The following RHOQ variants were observed in gnomAD, a reference collection of about 807,000 sequenced individuals.
RHOQ encodes the protein rho-related GTP-binding protein RhoQ.
Under a neutral mutation model 25.8 loss-of-function variants are expected in RHOQ, and 7 were observed. The ratio of observed to expected loss-of-function variants is 0.27; its 90% confidence interval spans 0.15 to 0.51. RHOQ has a LOEUF of 0.51. RHOQ is among the 20% of genes least tolerant of loss of function. The pLI, the probability that RHOQ is intolerant of heterozygous loss-of-function variation, is 0.97. For missense variants in RHOQ, 165 were observed against 260.6 expected, an observed-to-expected ratio of 0.63 and a Z score of 2.53; for synonymous variants, 97 against 98.6, an observed-to-expected ratio of 0.98 and a Z score of 0.10.
At chr2:46,554,121 GT>G (rs35825900) in intron 2 of RHOQ, among the ~76,000 whole-genome samples, 62,435 of 145,780 alleles carry the variant, frequency 0.43, 13,483 homozygotes, top group African/African-American at 0.51. Flanking sequence ...GTGTGTGTGT[GT>G]TTTTTTTTTT....
At chr2:46,567,532 T>C (rs141004398) in intron 2 of RHOQ, among the ~76,000 whole-genome samples, 147 of 152,142 alleles carry the variant, frequency 9.7e-4, no homozygotes, top group African/African-American at 3.3e-3. Context: ...TAGCTGGGAC[T>C]ATAGGCACAC....
chr2:46,562,966 A>T lies in RHOQ; in HGVS notation c.202-13121A>T, dbSNP rs965991549. On this transcript the variant is annotated intron_variant, in intron 2 of 4. Transcript: ENST00000238738. ...GGAACACTATTCGGTGGACATGGTT[A>T]TAAATTAGCAGCCAGCACATGTGTT... Among the ~76,000 whole-genome samples, 4 of 152,350 alleles carry T rather than the reference A, an allele frequency of 2.6e-5. No individual in the cohort carries two copies. In the East Asian group the frequency reaches 7.7e-4, roughly 29 times the overall value.
intron 1 of RHOQ, chr2:46,543,544 G>A (rs1667917892): frequency 3.3e-6 from 2 of 609,292 alleles, no homozygotes; most frequent in South Asian, 1.9e-5. Context: ...CTTGGGAGAA[G>A]GGGGTGGACG....
chr2:46,547,547 C>G (rs1311044058), intron 2 of RHOQ, among the ~76,000 whole-genome samples: 4 of 152,252 alleles, frequency 2.6e-5, no homozygotes, highest in Admixed American at 2.6e-4. Flanking sequence ...GGGAACACTT[C>G]CCCTCTGTTG....
At position 46,577,738 on chromosome 2, in the gene RHOQ, G is replaced by A. The variant is rs1293880219; in HGVS notation, c.462+1082G>A. The stretch of plus-strand genomic sequence containing the variant: ...CCCATATATAGTCTTTTAAAATGTA[G>A]TATCAGGAGGCAAAAGAAAGCAAGA... On this transcript the variant is annotated intron_variant, in intron 4 of 4. Coordinates refer to ENST00000238738, the MANE Select transcript of RHOQ (RefSeq NM_012249.4). Among the ~76,000 whole-genome samples the A allele has an allele frequency of 2.6e-5, 4 of 151,636 alleles. No homozygotes were observed. The East Asian group carries it at 7.7e-4, about 29-fold the overall frequency.
At chr2:46,574,543 A>G (rs1462450677) in intron 2 of RHOQ, among the ~76,000 whole-genome samples, 1 of 152,150 alleles carries the variant, frequency 6.6e-6, no homozygotes, top group Non-Finnish European at 1.5e-5. Flanking sequence ...ATTTCTTAAC[A>G]CCAGGGCACT....
At chr2:46,563,370 G>T (rs1367740694) in intron 2 of RHOQ, among the ~76,000 whole-genome samples, 2 of 152,196 alleles carry the variant, frequency 1.3e-5, no homozygotes, top group Non-Finnish European at 2.9e-5. Flanking sequence ...TGGGTAGCCT[G>T]GGTTGCTGTG....
intron 4 of RHOQ, chr2:46,580,452 G>A (rs1293767525): frequency 6.6e-6 from 1 of 152,474 alleles, no homozygotes; most frequent in African/African-American, 2.4e-5. Context: ...TCTTCCCCTA[G>A]GTATCCCTCA....
chr2:46,545,907 T>C (rs1355753459), intron 2 of RHOQ, among the ~76,000 whole-genome samples: 1 of 152,104 alleles, frequency 6.6e-6, no homozygotes. Flanking sequence ...CTCTTTTTAG[T>C]GGAGGATCAT....
Position 46,576,694 on chromosome 2 carries a change from A to C in RHOQ, c.462+38A>C. ...TCACAGAATTTAAGCATGAATGTAA[A>C]AGATGCTAAGATAACAATAGAAGCT... is the stretch of plus-strand genomic sequence containing the variant. On this transcript the variant is annotated intron_variant, in intron 4 of 4. Coordinates refer to ENST00000238738, the MANE Select transcript of RHOQ (RefSeq NM_012249.4). The surrounding 1 kb of genome is among the most constrained non-coding windows in gnomAD (Gnocchi z 5.1). The C allele has an allele frequency of 7.5e-7, 1 of 1,328,208 alleles. No individual in the cohort carries two copies. The highest frequency in any genetic ancestry group is 1.9e-4 in the Middle Eastern group (1 of 5,376). 82.3% of individuals were successfully genotyped at this position (1,328,208 alleles called of 1,614,324 possible). A position where few individuals can be genotyped will look rare whatever the true frequency, so the allele number is the denominator to read the frequency against.
intron 2 of RHOQ, among the ~76,000 whole-genome samples, chr2:46,550,663 G>A (rs1249420738): frequency 6.6e-6 from 1 of 152,242 alleles, no homozygotes; most frequent in African/African-American, 2.4e-5. Flanking sequence ...CGGCCAGCCG[G>A]CTCACTTCTG....
At chr2:46,572,122 T>G (rs1004132292) in intron 2 of RHOQ, among the ~76,000 whole-genome samples, 25 of 139,314 alleles carry the variant, frequency 1.8e-4, no homozygotes, top group East Asian at 8.0e-4. Flanking sequence ...TTTTTTTTTT[T>G]TTTTTTTTTT....
In RHOQ at chr2:46,556,426, G is replaced by C. The variant is rs1668412526; in HGVS notation, c.201+12614G>C. ...GCTGCCTTCGCCCCTGGCTCAGGTA[G>C]AGGCGAGGGCTGATCTCTTCTCTAC... On this transcript the variant is annotated intron_variant, in intron 2 of 4. Coordinates refer to ENST00000238738, the MANE Select transcript of RHOQ (RefSeq NM_012249.4). This position sits in a 1 kb window ranked among gnomAD's most constrained non-coding sequence, Gnocchi z 4.9. 6.6e-6 allele frequency among the ~76,000 whole-genome samples: 1 copy of C among 152,026 alleles called. No individual in the cohort carries two copies. Among genetic ancestry groups the C allele is most frequent in the Non-Finnish European group, 1.5e-5 (1 of 68,010 alleles).
rs1378272843 is a variant in RHOQ, at chr2:46,564,983, A to T, written c.202-11104A>T. Among the ~76,000 whole-genome samples the T allele has an allele frequency of 2.6e-5, 4 of 152,360 alleles. No homozygotes were observed. The East Asian group carries it at 7.7e-4, about 29-fold the overall frequency. The stretch of plus-strand genomic sequence containing the variant: ...GCCCTGAATAATCTCCATGAGCTGC[A>T]GAGATAGGGCCAGTGAGTGGCAAAT... On this transcript the variant is annotated intron_variant, in intron 2 of 4. Coordinates refer to ENST00000238738, the MANE Select transcript of RHOQ (RefSeq NM_012249.4).
chr2:46,583,203 C>T lies in RHOQ; in HGVS notation c.*2120C>T, dbSNP rs1298544461. On this transcript the variant is annotated 3_prime_UTR_variant, in exon 5 of 5. Coordinates refer to ENST00000238738, the MANE Select transcript of RHOQ (RefSeq NM_012249.4). The stretch of plus-strand genomic sequence containing the variant: ...TCTGAAACCCTTCACACTTGGTTTA[C>T]TAATTCAAAGTTAGAAGTCTAGAAT... 1.3e-5 allele frequency: 2 copies of T among 152,026 alleles called. No individual in the cohort carries two copies. Among genetic ancestry groups the T allele is most frequent in the African/African-American group, 2.4e-5 (1 of 41,408 alleles). 9.4% of individuals were successfully genotyped at this position (152,026 alleles called of 1,614,324 possible).
intron 2 of RHOQ, among the ~76,000 whole-genome samples, chr2:46,571,903 A>T (rs1184881459): frequency 6.6e-6 from 1 of 152,098 alleles, no homozygotes; most frequent in East Asian, 1.9e-4. Flanking sequence ...GTAGGAGGGA[A>T]CACCCAGGTC....
In RHOQ at chr2:46,569,841, G is replaced by C. The variant is rs115353524; in HGVS notation, c.202-6246G>C. On this transcript the variant is annotated intron_variant, in intron 2 of 4. Transcript: ENST00000238738. This position sits in a 1 kb window ranked among gnomAD's most constrained non-coding sequence, Gnocchi z 4.1. The stretch of plus-strand genomic sequence containing the variant: ...AATTAAAAAAGAAAAGAAAACACCA[G>C]ATGTTTGCAAAGTTTTTGAAAAACA... 6.6e-6 allele frequency among the ~76,000 whole-genome samples: 1 copy of C among 152,118 alleles called. No individual in the cohort carries two copies. The highest frequency in any genetic ancestry group is 2.4e-5 in the African/African-American group (1 of 41,416).
chr2:46,572,106 T>TG (rs1668937246), intron 2 of RHOQ, among the ~76,000 whole-genome samples: 1 of 129,590 alleles, frequency 7.7e-6, no homozygotes, highest in South Asian at 2.5e-4. Flanking sequence ...GGTAAGTGTG[T>TG]GTTTTTTTTT....
rs1667930625 is a variant in RHOQ at position 46,543,739 on chromosome 2, C to G, written c.143-15C>G. ...CTGTGAGCTTCTCTCCCCGCCCCCA[C>G]TTCTGTCCTTGCAGTCAGCGTCACC... On this transcript the variant is annotated splice_polypyrimidine_tract_variant and intron_variant, in intron 1 of 4. Transcript: ENST00000238738. The G allele has an allele frequency of 6.2e-7, 1 of 1,612,418 alleles. No homozygotes were observed. The highest frequency in any genetic ancestry group is 1.1e-5 in the South Asian group (1 of 90,668).
Sources: gnomAD v4.1 joint callset for allele counts (sites outside exome capture counted in the v4.1 genomes callset) on GRCh38, gnomAD v4.1.1 for gene constraint, Gnocchi (gnomAD v3.1) non-coding constraint, MANE v1.5 for transcripts, NCBI Gene and HGNC (gene_info 2026-07-23, HGNC 2026-07-21) for gene names.